Variants in F13A1 observed in about 807,000 individuals in gnomAD.
F13A1 encodes the protein FSF, A subunit.
In F13A1, 47 loss-of-function variants were observed where a neutral mutation model predicts 80.1. The observed-to-expected ratio is 0.59, with a 90% CI of 0.46 to 0.75. The LOEUF (loss-of-function observed/expected upper bound fraction) is 0.75. Ranked by LOEUF, F13A1 falls within the 30% of genes least tolerant of loss-of-function variation. The probability of loss-of-function intolerance (pLI) is 0.00; values close to 1 mark genes in which losing one functional copy is unlikely to be tolerated. For missense variants in F13A1, 817 were observed against 930.4 expected (o/e 0.88, Z 1.59); for synonymous variants, 349 against 344.9 (o/e 1.01, Z -0.13).
Position 6,166,076 on chromosome 6 carries a change from A to T in F13A1, c.1908+1382T>A, listed in dbSNP as rs571450140. Reference sequence around the variant, plus strand: ...GACCATAAGAACGTTCAGTTGAAGGAGCTGGTTCCCAGCCCTGCTTTTGCA... The same window carrying T: ...GACCATAAGAACGTTCAGTTGAAGGTGCTGGTTCCCAGCCCTGCTTTTGCA... On this transcript the variant is annotated intron_variant, in intron 13 of 14. Transcript: ENST00000264870. Among the ~76,000 whole-genome samples the T allele has an allele frequency of 3.9e-5, 6 of 152,364 alleles. No homozygotes were observed. The South Asian group carries it at 1.2e-3, about 32-fold the overall frequency.
intron 6 of F13A1, among the ~76,000 whole-genome samples, chr6:6,229,691 A>C (rs1208877013): frequency 3.9e-5 from 6 of 152,130 alleles, no homozygotes; most frequent in Admixed American, 2.0e-4. Flanking sequence ...ACAAACCAGC[A>C]ATCCTGAGAG....
At chr6:6,279,042 G>T (rs923353896) in intron 3 of F13A1, among the ~76,000 whole-genome samples, 8 of 152,072 alleles carry the variant, frequency 5.3e-5, no homozygotes, top group Non-Finnish European at 1.2e-4. Flanking sequence ...TTATATCCCT[G>T]GGAAAGGCAA....
chr6:6,177,383 C>A (rs1760900017), intron 11 of F13A1, among the ~76,000 whole-genome samples: 1 of 152,122 alleles, frequency 6.6e-6, no homozygotes, highest in African/African-American at 2.4e-5. Flanking sequence ...TTTCCTCTTC[C>A]TTGTCACAGT....
At chr6:6,146,411 T>C (rs981838875) in intron 14 of F13A1, among the ~76,000 whole-genome samples, 8 of 152,198 alleles carry the variant, frequency 5.3e-5, no homozygotes, top group African/African-American at 1.4e-4. Context: ...AATGCCCTAA[T>C]GTATGCGGCT....
At chr6:6,285,500 G>A (rs1156718014) in intron 3 of F13A1, among the ~76,000 whole-genome samples, 1 of 152,190 alleles carries the variant, frequency 6.6e-6, no homozygotes, top group Non-Finnish European at 1.5e-5. Flanking sequence ...GCCAGAGATG[G>A]GCAGCACATT....
intron 11 of F13A1, among the ~76,000 whole-genome samples, chr6:6,176,643 GGTAAGAAAAAGGGAAGGAGGA>G (rs1760886850): frequency 6.6e-6 from 1 of 152,130 alleles, no homozygotes; most frequent in Non-Finnish European, 1.5e-5. Flanking sequence ...CTCGGAGGGA[GGTAAGAAAAAGGGAAGGAGGA>G]GTGAGGACAA....
At chr6:6,239,050 A>C (rs1281983627) in intron 6 of F13A1, among the ~76,000 whole-genome samples, 1 of 152,198 alleles carries the variant, frequency 6.6e-6, no homozygotes, top group African/African-American at 2.4e-5. Flanking sequence ...CACTTGTACA[A>C]GAATGTTTAT....
intron 11 of F13A1, among the ~76,000 whole-genome samples, chr6:6,175,830 TGGA>T (rs1561643944): frequency 6.6e-6 from 1 of 152,144 alleles, no homozygotes; most frequent in Non-Finnish European, 1.5e-5. Flanking sequence ...GTGGTTGTGG[TGGA>T]GATGAAGGGA....
rs1757617965 is a variant in F13A1, at chr6:6,250,671, C to G, written c.690+140G>C. On this transcript the variant is annotated intron_variant, in intron 5 of 14. Transcript: ENST00000264870. This position sits in a 1 kb window ranked among gnomAD's most constrained non-coding sequence, Gnocchi z 4.2. The stretch of plus-strand genomic sequence containing the variant: ...CTTTATGAGTCCCTACTCCTATGCT[C>G]TCTGCCTTGGAGTCTCAGATCCTAA... The G allele has an allele frequency of 2.9e-6, 2 of 683,626 alleles. No homozygotes were observed. The highest frequency in any genetic ancestry group is 3.2e-5 in the South Asian group (2 of 61,820). The allele number at this position is 683,626 out of a possible 1,614,324, so 42.3% of individuals were successfully genotyped here. A position where few individuals can be genotyped will look rare whatever the true frequency, so the allele number is the denominator to read the frequency against.
At chr6:6,266,917 T>C (rs1757853683) in intron 3 of F13A1, 108 bp from the exon 4 acceptor site, 1 of 1,492,004 alleles carries the variant, frequency 6.7e-7, no homozygotes, top group Non-Finnish European at 9.3e-7. Context: ...ATTAGAATTA[T>C]TCTTGACTTG....
chr6:6,182,053 A>G lies in F13A1; in HGVS notation c.1394T>C (p.Ile465Thr), dbSNP rs1760997563. 6.8e-6 allele frequency: 11 copies of G among 1,614,064 alleles called. No individual in the cohort carries two copies. The highest frequency in any genetic ancestry group is 6.7e-5 in the East Asian group (3 of 44,890). Residue 465 changes from isoleucine (I) to threonine (T), a missense_variant, in exon 11 of 15, where the codon ATT becomes ACT. Ile to Thr is a moderately conservative substitution (Grantham distance 89). Coordinates refer to ENST00000264870, the MANE Select transcript of F13A1 (RefSeq NM_000129.4). ...NVDATHIGKL[I>T]VTKQIGGDGM... is the part of the protein sequence containing the mutation. ...ATCTCCTCCAATTTGTTTGGTCACA[A>G]TTAATTTCCCAATGTGGGTGGCATC...
chr6:6,185,791 C>T (rs895035116), intron 10 of F13A1, among the ~76,000 whole-genome samples: 1 of 152,220 alleles, frequency 6.6e-6, no homozygotes, highest in African/African-American at 2.4e-5. Context: ...CCTGAGGAAT[C>T]ACCACACTGA....
At chr6:6,259,162 A>C (rs1338464946) in intron 4 of F13A1, among the ~76,000 whole-genome samples, 1 of 152,236 alleles carries the variant, frequency 6.6e-6, no homozygotes, top group Non-Finnish European at 1.5e-5. Context: ...GGGATGCGAC[A>C]TACTATCAAT....
At chr6:6,252,584 G>C (rs927845950) in intron 4 of F13A1, among the ~76,000 whole-genome samples, 9 of 152,176 alleles carry the variant, frequency 5.9e-5, no homozygotes, top group African/African-American at 2.2e-4. Context: ...TTAACTCTGA[G>C]AGTCATATAA....
chr6:6,320,021 G>T (rs1170622872), intron 1 of F13A1, among the ~76,000 whole-genome samples: 2 of 152,218 alleles, frequency 1.3e-5, no homozygotes, highest in African/African-American at 4.8e-5. Context: ...GGGAGACACA[G>T]TGCTAAGGGG....
intron 3 of F13A1, among the ~76,000 whole-genome samples, chr6:6,279,686 C>T (rs1442046433): frequency 6.6e-6 from 1 of 152,184 alleles, no homozygotes; most frequent in Non-Finnish European, 1.5e-5. Flanking sequence ...CAGCAAATGG[C>T]AAGTCTATGG....
chr6:6,218,920 C>T (rs751952455), intron 8 of F13A1, among the ~76,000 whole-genome samples: 114 of 152,232 alleles, frequency 7.5e-4, no homozygotes, highest in Non-Finnish European at 1.4e-3. Flanking sequence ...TTTCTGGTTT[C>T]GGCAGGCTGG....
chr6:6,276,323 A>G (rs938587352), intron 3 of F13A1, among the ~76,000 whole-genome samples: 1 of 152,122 alleles, frequency 6.6e-6, no homozygotes, highest in Non-Finnish European at 1.5e-5. Flanking sequence ...AGTCTCCTCC[A>G]TGGCTCCAGC....
intron 10 of F13A1, among the ~76,000 whole-genome samples, chr6:6,182,773 A>C (rs755855174): frequency 2.6e-5 from 4 of 152,162 alleles, no homozygotes; most frequent in Admixed American, 6.5e-5. Flanking sequence ...TGATGCTGTT[A>C]AATGGCTAAG....
Sources: gnomAD v4.1 joint callset for allele counts (sites outside exome capture counted in the v4.1 genomes callset) on GRCh38, gnomAD v4.1.1 for gene constraint, Gnocchi (gnomAD v3.1) non-coding constraint, MANE v1.5 for transcripts, NCBI Gene and HGNC (gene_info 2026-07-23, HGNC 2026-07-21) for gene names.